The following GCSAML variants were observed in gnomAD, a reference collection of about 807,000 sequenced individuals.
The protein encoded by GCSAML is germinal center associated signaling and motility like, also known as germinal center-associated signaling and motility-like protein.
GCSAML carries 9 observed loss-of-function variants against 13.0 expected under a neutral mutation model. The ratio of observed to expected loss-of-function variants is 0.69; its 90% CI spans 0.42 to 1.21. The LOEUF (loss-of-function observed/expected upper bound fraction) is 1.21. Among genes scored for constraint, GCSAML ranks in the 50% most tolerant of loss-of-function variants. The pLI is 0.00. For synonymous variants in GCSAML, 37 were observed against 52.9 expected (o/e 0.70, Z 1.31); for missense variants, 143 against 153.4 (o/e 0.93, Z 0.36).
At position 247,526,858 on chromosome 1, in the gene GCSAML, T is replaced by C; in HGVS notation, c.-262-82T>C. 6 of 410,618 alleles carry C rather than the reference T, an allele frequency of 1.5e-5. No individual in the cohort carries two copies. Among genetic ancestry groups the C allele is most frequent in the South Asian group, 9.0e-5 (5 of 55,374 alleles). 25.4% of individuals were successfully genotyped at this position (410,618 alleles called of 1,614,324 possible). A position where few individuals can be genotyped will look rare whatever the true frequency, so the allele number is the denominator to read the frequency against. The stretch of plus-strand genomic sequence containing the variant: ...TGTCCAATATGGCATGTTAGCATTT[T>C]CCTCTTCATTTACTATAACTTAAAT... On this transcript the variant is annotated intron_variant, in intron 1 of 5. Coordinates refer to the GCSAML transcript ENST00000366489. This position sits in a 1 kb window ranked among gnomAD's most constrained non-coding sequence, Gnocchi z 4.8.
chr1:247,532,405 T>C (rs765580448), intron 2 of GCSAML: 1 of 1,614,088 alleles, frequency 6.2e-7, no homozygotes, highest in East Asian at 2.2e-5. Flanking sequence ...CGATACCATG[T>C]AAAAACTCAA....
upstream of GCSAML, among the ~76,000 whole-genome samples, chr1:247,546,416 T>C (rs568245810): frequency 7.2e-5 from 11 of 152,132 alleles, no homozygotes; most frequent in Non-Finnish European, 1.0e-4. Flanking sequence ...TGGAGTGCAG[T>C]GGCGCGATCT....
Position 247,577,533 on chromosome 1 carries a change from G to C in GCSAML, c.*3151G>C, listed in dbSNP as rs1451166457. Reference sequence around the variant, plus strand: ...TTTTTGAGATTCATCTATGTTTAATGTTCTATCAGTAGTTGTACATCTTAC... The same window carrying C: ...TTTTTGAGATTCATCTATGTTTAATCTTCTATCAGTAGTTGTACATCTTAC... On this transcript the variant is annotated 3_prime_UTR_variant, in exon 5 of 5. Transcript: ENST00000366488. 1.3e-5 allele frequency: 2 copies of C among 152,138 alleles called. No homozygotes were observed. The allele number at this position is 152,138 out of a possible 1,614,324, so 9.4% of individuals were successfully genotyped here. A position where few individuals can be genotyped will look rare whatever the true frequency, so the allele number is the denominator to read the frequency against.
chr1:247,515,283 A>T (rs1428475653), intron 1 of GCSAML, among the ~76,000 whole-genome samples: 1 of 152,250 alleles, frequency 6.6e-6, no homozygotes, highest in Admixed American at 6.5e-5. Flanking sequence ...AATCTCTGAC[A>T]AAGTAATTGA....
chr1:247,528,665 G>A (rs984047905), intron 2 of GCSAML: 1 of 152,234 alleles, frequency 6.6e-6, no homozygotes, highest in Non-Finnish European at 1.5e-5. Context: ...ACTACAGGCA[G>A]TTTAGCTGGT....
At chr1:247,573,929 G>A (rs1195417358) in intron 4 of GCSAML, among the ~76,000 whole-genome samples, 1 of 151,940 alleles carries the variant, frequency 6.6e-6, no homozygotes, top group African/African-American at 2.4e-5. Context: ...GCATTCCTAG[G>A]TATTTTATTC....
At chr1:247,556,488 GT>G (rs1046023351) in intron 2 of GCSAML, 22 bp downstream of exon 2, 1 of 1,566,566 alleles carries the variant, frequency 6.4e-7, no homozygotes, top group Non-Finnish European at 8.7e-7. Context: ...GCATCTCAGA[GT>G]TTTTTTGTTT....
upstream of GCSAML, among the ~76,000 whole-genome samples, chr1:247,546,543 A>G (rs1015492259): frequency 4.0e-5 from 6 of 151,504 alleles, no homozygotes; most frequent in African/African-American, 1.5e-4. Flanking sequence ...TATTTTTTTT[A>G]GTGGAGACAG....
At chr1:247,562,584 T>C (rs1001117342) in intron 2 of GCSAML, among the ~76,000 whole-genome samples, 1 of 152,168 alleles carries the variant, frequency 6.6e-6, no homozygotes, top group African/African-American at 2.4e-5. Flanking sequence ...CAAAATGTTT[T>C]TCCCTCAGCC....
intron 4 of GCSAML, among the ~76,000 whole-genome samples, chr1:247,573,853 CT>C (rs1668727613): frequency 6.6e-6 from 1 of 152,146 alleles, no homozygotes. Context: ...TTTGTTTCCT[CT>C]CTTATTTCCT....
intron 1 of GCSAML, among the ~76,000 whole-genome samples, chr1:247,509,338 A>G (rs60036195): frequency 0.024 from 3,700 of 152,252 alleles, 152 homozygotes; most frequent in African/African-American, 0.084. Flanking sequence ...AATGCTTGTG[A>G]GTTTTGCCGA....
intron 4 of GCSAML, among the ~76,000 whole-genome samples, chr1:247,570,827 T>C (rs1558262394): frequency 6.6e-6 from 1 of 152,324 alleles, no homozygotes; most frequent in African/African-American, 2.4e-5. Context: ...CTCCCACTAT[T>C]GTTGTGTTGG....
At chr1:247,525,353 C>T (rs990628941) in intron 1 of GCSAML, 2 of 152,204 alleles carry the variant, frequency 1.3e-5, no homozygotes, top group African/African-American at 4.8e-5. Flanking sequence ...CATAAGACAT[C>T]CCCGTTTCCA....
chr1:247,513,104 C>G (rs939591387), intron 1 of GCSAML, among the ~76,000 whole-genome samples: 1 of 152,176 alleles, frequency 6.6e-6, no homozygotes, highest in African/African-American at 2.4e-5. Context: ...TGAAGCTGTG[C>G]CCATAGCCGC....
chr1:247,523,360 G>A (rs1666527377), intron 1 of GCSAML, among the ~76,000 whole-genome samples: 1 of 152,170 alleles, frequency 6.6e-6, no homozygotes, highest in South Asian at 2.1e-4. Flanking sequence ...ATTATATTGA[G>A]TACCAATTTC....
intron 1 of GCSAML, among the ~76,000 whole-genome samples, chr1:247,509,740 TC>T (rs1665957291): frequency 6.6e-6 from 1 of 152,228 alleles, no homozygotes; most frequent in African/African-American, 2.4e-5. Flanking sequence ...GAAGGCCTTT[TC>T]TACATCTATT....
rs1488676623 is a variant in GCSAML, at chr1:247,527,650, A to T, written c.-148+596A>T. 1 of 152,434 alleles carries T rather than the reference A, an allele frequency of 6.6e-6. No homozygotes were observed. The highest frequency in any genetic ancestry group is 1.5e-5 in the Non-Finnish European group (1 of 68,220). The allele number at this position is 152,434 out of a possible 1,614,324, so 9.4% of individuals were successfully genotyped here. ...TAATAATTGAACATATTTCTGGGGT[A>T]AACAGTGATGTTTGGAAGCACATAA... is the stretch of plus-strand genomic sequence containing the variant. On this transcript the variant is annotated intron_variant, in intron 2 of 5. Coordinates refer to the GCSAML transcript ENST00000366489. The surrounding 1 kb of genome is among the most constrained non-coding windows in gnomAD (Gnocchi z 4.6).
intron 2 of GCSAML, among the ~76,000 whole-genome samples, chr1:247,534,976 T>C (rs1408011463): frequency 6.6e-6 from 1 of 152,070 alleles, no homozygotes; most frequent in African/African-American, 2.4e-5. Context: ...ATTAATACTA[T>C]GGGAGAAGGC....
At position 247,575,699 on chromosome 1, in the gene GCSAML, C is replaced by T. The variant is rs1037613804; in HGVS notation, c.*1317C>T. On this transcript the variant is annotated 3_prime_UTR_variant, in exon 5 of 5. Transcript: ENST00000366488. ...CTAGCCAACAGAGAATCGAAGGATTCTGTTCAAATATTAGTAAAAATTGAA... is the reference window on the plus strand; with the variant it reads ...CTAGCCAACAGAGAATCGAAGGATTTTGTTCAAATATTAGTAAAAATTGAA... 1 of 152,152 alleles carries T rather than the reference C, an allele frequency of 6.6e-6. No individual in the cohort carries two copies. Among genetic ancestry groups the T allele is most frequent in the African/African-American group, 2.4e-5 (1 of 41,434 alleles). The allele number at this position is 152,152 out of a possible 1,614,324, so 9.4% of individuals were successfully genotyped here.
Sources: gnomAD v4.1 joint callset for allele counts (sites outside exome capture counted in the v4.1 genomes callset) on GRCh38, gnomAD v4.1.1 for gene constraint, Gnocchi (gnomAD v3.1) non-coding constraint, MANE v1.5 for transcripts, NCBI Gene and HGNC (gene_info 2026-07-23, HGNC 2026-07-21) for gene names.